Variants in OPRD1 observed in about 807,000 individuals in gnomAD.
OPRD1 encodes the protein delta-type opioid receptor.
In OPRD1, 19 loss-of-function variants were observed where a neutral mutation model predicts 17.5. The ratio of observed to expected loss-of-function variants is 1.09; its 90% CI spans 0.76 to 1.60. The LOEUF (loss-of-function observed/expected upper bound fraction) is 1.60. Ranked by LOEUF, OPRD1 falls within the 40% of genes most tolerant of loss-of-function variation. The probability of loss-of-function intolerance (pLI) is 0.00; values close to 1 mark genes in which losing one functional copy is unlikely to be tolerated. For synonymous variants in OPRD1, 256 were observed against 240.9 expected, an observed-to-expected ratio of 1.06 and a Z score of -0.58; for missense variants, 483 against 547.2, an observed-to-expected ratio of 0.88 and a Z score of 1.17.
chr1:28,832,117 T>C (rs1400448241), intron 1 of OPRD1, among the ~76,000 whole-genome samples: 1 of 152,264 alleles, frequency 6.6e-6, no homozygotes, highest in African/African-American at 2.4e-5. Flanking sequence ...GCAATGTCCA[T>C]GAAGAAGGCT....
chr1:28,861,041 C>T (rs186346065), intron 2 of OPRD1, among the ~76,000 whole-genome samples: 2 of 152,294 alleles, frequency 1.3e-5, no homozygotes, highest in East Asian at 1.9e-4. Flanking sequence ...GCCATCAGCA[C>T]TTATTGAACC....
chr1:28,841,217 T>C (rs1009751834), intron 1 of OPRD1, among the ~76,000 whole-genome samples: 2 of 152,230 alleles, frequency 1.3e-5, no homozygotes, highest in African/African-American at 4.8e-5. Context: ...AGTCTGTCTC[T>C]CCCTGACCCC....
chr1:28,837,254 G>A (rs753009924), intron 1 of OPRD1, among the ~76,000 whole-genome samples: 2 of 152,146 alleles, frequency 1.3e-5, no homozygotes, highest in East Asian at 1.9e-4. Flanking sequence ...GACAGGAGGC[G>A]GAGCTCAGGT....
At chr1:28,814,771 C>G (rs1319378449) in intron 1 of OPRD1, among the ~76,000 whole-genome samples, 1 of 152,160 alleles carries the variant, frequency 6.6e-6, no homozygotes, top group African/African-American at 2.4e-5. Flanking sequence ...GCCAAGTGTA[C>G]GCAAGCAGCT....
chr1:28,848,152 G>A (rs1484512149), intron 1 of OPRD1, among the ~76,000 whole-genome samples: 2 of 151,994 alleles, frequency 1.3e-5, no homozygotes, highest in Non-Finnish European at 2.9e-5. Context: ...AGGAGGCTGA[G>A]AAAGGAGAAT....
At chr1:28,849,400 T>C (rs1471569406) in intron 1 of OPRD1, among the ~76,000 whole-genome samples, 1 of 152,168 alleles carries the variant, frequency 6.6e-6, no homozygotes, top group Non-Finnish European at 1.5e-5. Context: ...CGGAAATTGA[T>C]ATTTACATGT....
At chr1:28,851,792 A>G (rs1207619855) in intron 1 of OPRD1, among the ~76,000 whole-genome samples, 1 of 148,902 alleles carries the variant, frequency 6.7e-6, no homozygotes, top group African/African-American at 2.5e-5. Flanking sequence ...AATTGCTTGA[A>G]CCGGGGAGGC....
chr1:28,865,183 GC>G lies in OPRD1; in HGVS notation c.*1902del. 6.6e-6 allele frequency: 1 copy of G among 152,374 alleles called. No individual in the cohort carries two copies. The highest frequency in any genetic ancestry group is 1.5e-5 in the Non-Finnish European group (1 of 68,050). The allele number at this position is 152,374 out of a possible 1,614,324, so 9.4% of individuals were successfully genotyped here. A position where few individuals can be genotyped will look rare whatever the true frequency, so the allele number is the denominator to read the frequency against. ...TCCTTGTTCTCTGTACCTCCCCCGT[GC>G]CTCATCTCCTCTCCCTCCGCTGCTG... is the stretch of plus-strand genomic sequence containing the variant. On this transcript the variant is annotated 3_prime_UTR_variant, in exon 3 of 3. Transcript: ENST00000234961.
At chr1:28,847,432 T>C (rs1416041751) in intron 1 of OPRD1, among the ~76,000 whole-genome samples, 3 of 152,058 alleles carry the variant, frequency 2.0e-5, no homozygotes, top group Non-Finnish European at 2.9e-5. Flanking sequence ...TTGACATGAG[T>C]GCACTTAAAT....
At chr1:28,848,709 G>C (rs909903485) in intron 1 of OPRD1, among the ~76,000 whole-genome samples, 1 of 152,212 alleles carries the variant, frequency 6.6e-6, no homozygotes, top group Admixed American at 6.5e-5. Flanking sequence ...AAGATAACAA[G>C]TACTGAGTGG....
intron 1 of OPRD1, among the ~76,000 whole-genome samples, chr1:28,828,532 G>T (rs2088784842): frequency 6.6e-6 from 1 of 152,010 alleles, no homozygotes; most frequent in African/African-American, 2.4e-5. Flanking sequence ...CCCCTAATGA[G>T]TCAGCCTGGC....
chr1:28,830,592 A>T (rs921766577), intron 1 of OPRD1, among the ~76,000 whole-genome samples: 2 of 152,210 alleles, frequency 1.3e-5, no homozygotes, highest in Non-Finnish European at 2.9e-5. Context: ...TAATTATGAA[A>T]AATTTGAAAT....
chr1:28,824,519 C>A (rs187964374), intron 1 of OPRD1, among the ~76,000 whole-genome samples: 1 of 151,244 alleles, frequency 6.6e-6, no homozygotes, highest in Non-Finnish European at 1.5e-5. Context: ...AGGGTTTCAC[C>A]GTGTTAGCCA....
intron 1 of OPRD1, among the ~76,000 whole-genome samples, chr1:28,830,987 C>T (rs2088804446): frequency 6.6e-6 from 1 of 152,268 alleles, no homozygotes; most frequent in South Asian, 2.1e-4. Context: ...GGAGATGCTG[C>T]TTCTCCTGGC....
At chr1:28,832,640 G>A (rs986383462) in intron 1 of OPRD1, among the ~76,000 whole-genome samples, 1 of 151,760 alleles carries the variant, frequency 6.6e-6, no homozygotes, top group Non-Finnish European at 1.5e-5. Flanking sequence ...GTAACATACA[G>A]CATGGCCAAA....
chr1:28,863,239 G>A lies in OPRD1; in HGVS notation c.1075G>A (p.Ala359Thr), dbSNP rs1390090312. ...REATARERVT[A>T]CTPSDGPGGG... ...AGCCACGGCCCGCGAGCGTGTCACCGCCTGCACCCCGTCCGATGGTCCCGG... is the reference window on the plus strand; with the variant it reads ...AGCCACGGCCCGCGAGCGTGTCACCACCTGCACCCCGTCCGATGGTCCCGG... The change falls in exon 3 of 3, where the codon GCC (alanine) becomes ACC (threonine). Residue 359 changes from alanine to threonine, a missense_variant. Physicochemically the swap from Ala to Thr is moderately conservative, Grantham distance 58. Coordinates refer to ENST00000234961, the MANE Select transcript of OPRD1 (RefSeq NM_000911.4). 6.5e-7 allele frequency: 1 copy of A among 1,546,250 alleles called. No homozygotes were observed. Among genetic ancestry groups the A allele is most frequent in the Non-Finnish European group, 8.7e-7 (1 of 1,155,858 alleles).
intron 1 of OPRD1, among the ~76,000 whole-genome samples, chr1:28,839,838 C>T (rs1569628225): frequency 2.0e-5 from 3 of 152,300 alleles, no homozygotes; most frequent in South Asian, 2.1e-4. Context: ...TCCTTCAGGG[C>T]ACCTGGGCTG....
At chr1:28,837,847 T>C (rs1017993640) in intron 1 of OPRD1, among the ~76,000 whole-genome samples, 5 of 146,622 alleles carry the variant, frequency 3.4e-5, no homozygotes, top group Admixed American at 2.1e-4. Context: ...ACACCAGTCA[T>C]ATAAGGACCC....
chr1:28,819,641 G>T (rs1213145619), intron 1 of OPRD1, among the ~76,000 whole-genome samples: 1 of 152,192 alleles, frequency 6.6e-6, no homozygotes, highest in South Asian at 2.1e-4. Context: ...GGACAAGAAG[G>T]CTCAGAGGGA....
Sources: gnomAD v4.1 joint callset for allele counts (sites outside exome capture counted in the v4.1 genomes callset) on GRCh38, gnomAD v4.1.1 for gene constraint, MANE v1.5 for transcripts, NCBI Gene and HGNC (gene_info 2026-07-23, HGNC 2026-07-21) for gene names.